The following APBA1 variants were observed in gnomAD, a reference collection of about 807,000 sequenced individuals.
APBA1 encodes the protein amyloid beta precursor protein binding family A member 1.
APBA1 carries 55 observed loss-of-function variants against 86.6 expected under a neutral mutation model. The ratio of observed to expected loss-of-function variants is 0.64; its 90% CI spans 0.51 to 0.80. APBA1 has a LOEUF of 0.80. APBA1 is among the 30% of genes least tolerant of loss of function. APBA1 has a pLI of 0.00. For missense variants in APBA1, 1,090 were observed against 1,183.0 expected, an observed-to-expected ratio of 0.92 and a Z score of 1.15; for synonymous variants, 511 against 493.9, an observed-to-expected ratio of 1.03 and a Z score of -0.46.
At chr9:69,585,522 G>C (rs914657469) in intron 1 of APBA1, among the ~76,000 whole-genome samples, 1 of 152,196 alleles carries the variant, frequency 6.6e-6, no homozygotes. Flanking sequence ...TTGAGTCCCA[G>C]CTTCTGCATC....
chr9:69,476,526 C>G (rs966630406), intron 2 of APBA1, among the ~76,000 whole-genome samples: 5 of 152,262 alleles, frequency 3.3e-5, no homozygotes, highest in African/African-American at 1.2e-4. Context: ...TACCGAATGT[C>G]TTATAAAATT....
rs143249355 is a variant in APBA1, at chr9:69,463,525, C to T, written c.1482+4298G>A. 2.7e-3 allele frequency: 416 copies of T among 152,276 alleles called. 2 individuals carry two copies. Among genetic ancestry groups the T allele is most frequent in the African/African-American group, 9.4e-3 (392 of 41,544 alleles). 9.4% of individuals were successfully genotyped at this position (152,276 alleles called of 1,614,324 possible). A position where few individuals can be genotyped will look rare whatever the true frequency, so the allele number is the denominator to read the frequency against. ...GTTCAATTTTAGTATACAGTTGGTA[C>T]TACATGAGTGGCGGACACCACAATC... On this transcript the variant is annotated intron_variant, in intron 5 of 12. Transcript: ENST00000265381.
intron 1 of APBA1, among the ~76,000 whole-genome samples, chr9:69,670,045 A>G (rs1823917692): frequency 6.6e-6 from 1 of 152,208 alleles, no homozygotes; most frequent in African/African-American, 2.4e-5. Flanking sequence ...GGCATAACAA[A>G]TAAGAGAGTA....
chr9:69,656,009 A>C (rs1452219689), intron 1 of APBA1, among the ~76,000 whole-genome samples: 1 of 152,226 alleles, frequency 6.6e-6, no homozygotes, highest in Non-Finnish European at 1.5e-5. Context: ...ACTGTATCCC[A>C]TACATGTACA....
At chr9:69,496,793 T>C (rs1157879887) in intron 2 of APBA1, among the ~76,000 whole-genome samples, 1 of 152,104 alleles carries the variant, frequency 6.6e-6, no homozygotes, top group Admixed American at 6.5e-5. Flanking sequence ...GAGTCCAGAC[T>C]GAATATTCCT....
At position 69,449,634 on chromosome 9, in the gene APBA1, C is replaced by G. The variant is rs1332309990; in HGVS notation, c.2131G>C (p.Gly711Arg). 3.7e-6 allele frequency: 6 copies of G among 1,613,982 alleles called. No individual in the cohort carries two copies. The highest frequency in any genetic ancestry group is 5.1e-6 in the Non-Finnish European group (6 of 1,180,026). Reference sequence around the variant, plus strand: ...AGAGGCAGGCCCACCAGGCTGGTGCCATTAATGGACATGATCTGGTCACCG... The same window carrying G: ...AGAGGCAGGCCCACCAGGCTGGTGCGATTAATGGACATGATCTGGTCACCG... ...NIGDQIMSIN[G>R]TSLVGLPLST... is the part of the protein sequence containing the mutation. Residue 711 changes from glycine to arginine, a missense_variant, in exon 10 of 13, where the codon GGC becomes CGC. Transcript: ENST00000265381.
At position 69,516,237 on chromosome 9, in the gene APBA1, G is replaced by T; in HGVS notation, c.974C>A (p.Ala325Glu). The change falls in exon 2 of 13, where the codon GCG (alanine) becomes GAG (glutamate). Residue 325 changes from alanine (A) to glutamate (E), a missense_variant. Physicochemically the swap from Ala to Glu is moderately radical, Grantham distance 107. This residue lies in a region of APBA1 where 678 missense variants were observed against 647.1 expected (regional missense o/e 1.05). Transcript: ENST00000265381. The surrounding 1 kb of genome is among the most constrained non-coding windows in gnomAD (Gnocchi z 7.3). ...CTCGCCGCCGCCCGCGGGGCCCACC[G>T]CCCGCTGCTGCCCCGCCGGCGCCTG... Reference protein sequence around the residue: ...GLQAPAGQQRAVGPAGGGEAG... With the variant: ...GLQAPAGQQREVGPAGGGEAG... 7.2e-7 allele frequency: 1 copy of T among 1,386,886 alleles called. No individual in the cohort carries two copies. The highest frequency in any genetic ancestry group is 9.3e-7 in the Non-Finnish European group (1 of 1,072,474). The allele number at this position is 1,386,886 out of a possible 1,614,324, so 85.9% of individuals were successfully genotyped here.
At position 69,471,662 on chromosome 9, in the gene APBA1, C is replaced by T. The variant is rs762774491; in HGVS notation, c.1330G>A (p.Val444Ile). Residue 444 changes from valine (V) to isoleucine (I), a missense_variant, in exon 4 of 13, where the codon GTT becomes ATT. Physicochemically the swap from Val to Ile is conservative, Grantham distance 29. Coordinates refer to ENST00000265381, the MANE Select transcript of APBA1 (RefSeq NM_001163.4). ...RKSLASFPTY[V>I]EVPGPCDPED... is the part of the protein sequence containing the mutation. The stretch of plus-strand genomic sequence containing the variant: ...TTTTCTTTTCAGCTCTTACCTTCAA[C>T]GTAGGTTGGGAATGAAGCCAAGCTT... The T allele has an allele frequency of 1.1e-5, 17 of 1,613,438 alleles. No individual in the cohort carries two copies. Among genetic ancestry groups the T allele is most frequent in the South Asian group, 3.3e-5 (3 of 91,056 alleles).
chr9:69,613,860 C>G (rs1216403382), intron 1 of APBA1, among the ~76,000 whole-genome samples: 1 of 152,190 alleles, frequency 6.6e-6, no homozygotes, highest in Non-Finnish European at 1.5e-5. Flanking sequence ...CTTCCTGTGT[C>G]TGATTAAATT....
intron 9 of APBA1, among the ~76,000 whole-genome samples, chr9:69,450,630 T>C (rs760444382): frequency 1.1e-3 from 175 of 152,256 alleles, no homozygotes; most frequent in African/African-American, 3.9e-3. Context: ...TCTGTTAAGG[T>C]TGAATTGTGT....
chr9:69,568,708 G>C lies in APBA1; in HGVS notation c.-69-51429C>G, dbSNP rs571006002. Among the ~76,000 whole-genome samples the C allele has an allele frequency of 5.3e-5, 8 of 152,296 alleles. No individual in the cohort carries two copies. The South Asian group carries it at 1.7e-3, about 32-fold the overall frequency. Reference sequence around the variant, plus strand: ...CAATGGAAGGTAACACAGCACAGTGGTCAAGAAAGGGAACTGCCATTTAAC... The same window carrying C: ...CAATGGAAGGTAACACAGCACAGTGCTCAAGAAAGGGAACTGCCATTTAAC... On this transcript the variant is annotated intron_variant, in intron 1 of 12. Coordinates refer to ENST00000265381, the MANE Select transcript of APBA1 (RefSeq NM_001163.4).
In APBA1 at chr9:69,430,055, C is replaced by A. The variant is rs1480800197; in HGVS notation, c.*1272G>T. On this transcript the variant is annotated 3_prime_UTR_variant, in exon 13 of 13. Coordinates refer to ENST00000265381, the MANE Select transcript of APBA1 (RefSeq NM_001163.4). Reference sequence around the variant, plus strand: ...CACCAGCCAAAAATGCTCTCAGGCCCACAAGGCAGCAAGAGGGTGTTTATG... The same window carrying A: ...CACCAGCCAAAAATGCTCTCAGGCCAACAAGGCAGCAAGAGGGTGTTTATG... 6.6e-6 allele frequency: 1 copy of A among 152,284 alleles called. No individual in the cohort carries two copies. The highest frequency in any genetic ancestry group is 2.4e-5 in the African/African-American group (1 of 41,542). 9.4% of individuals were successfully genotyped at this position (152,284 alleles called of 1,614,324 possible). A position where few individuals can be genotyped will look rare whatever the true frequency, so the allele number is the denominator to read the frequency against.
intron 2 of APBA1, among the ~76,000 whole-genome samples, chr9:69,482,160 A>ATTT (rs1403944293): frequency 6.6e-6 from 1 of 152,058 alleles, no homozygotes; most frequent in Non-Finnish European, 1.5e-5. Context: ...ACAGCAAAAG[A>ATTT]AACTACCATC....
chr9:69,583,175 G>T (rs1412712140), intron 1 of APBA1, among the ~76,000 whole-genome samples: 1 of 152,166 alleles, frequency 6.6e-6, no homozygotes, highest in Non-Finnish European at 1.5e-5. Context: ...TCATTAGGGG[G>T]AAGGTATTAA....
intron 11 of APBA1, among the ~76,000 whole-genome samples, chr9:69,434,229 G>A (rs1045807478): frequency 2.6e-5 from 4 of 152,202 alleles, no homozygotes; most frequent in Admixed American, 6.5e-5. Context: ...GAGGCAAGGA[G>A]GCTCTTGGAG....
intron 1 of APBA1, among the ~76,000 whole-genome samples, chr9:69,622,029 C>T (rs990639640): frequency 7.9e-5 from 12 of 152,168 alleles, no homozygotes; most frequent in African/African-American, 2.7e-4. Context: ...GGCCACCAAA[C>T]CTGAGGAGCA....
intron 1 of APBA1, among the ~76,000 whole-genome samples, chr9:69,624,723 T>C (rs762281624): frequency 1.3e-5 from 2 of 152,176 alleles, no homozygotes; most frequent in African/African-American, 2.4e-5. Context: ...TGACCAAAAC[T>C]TGGTTCTTGA....
At chr9:69,447,854 T>G (rs1171574203) in intron 10 of APBA1, among the ~76,000 whole-genome samples, 3 of 151,890 alleles carry the variant, frequency 2.0e-5, no homozygotes, top group Non-Finnish European at 1.5e-5. Flanking sequence ...TCCTTTCACT[T>G]CTCCTCAAAC....
chr9:69,434,888 A>G (rs1475333674), intron 11 of APBA1, among the ~76,000 whole-genome samples: 3 of 150,732 alleles, frequency 2.0e-5, no homozygotes, highest in Non-Finnish European at 3.0e-5. Flanking sequence ...TTGGTGTGCT[A>G]CACCCATTAA....
Sources: allele counts gnomAD v4.1 joint callset (sites outside exome capture counted in the v4.1 genomes callset), GRCh38; gene constraint gnomAD v4.1.1; regional missense constraint gnomAD v4.1.1; non-coding constraint Gnocchi (gnomAD v3.1); transcripts MANE v1.5; gene names NCBI Gene and HGNC (gene_info 2026-07-23, HGNC 2026-07-21).